SLC38A1: variants seen among roughly 807,000 people sequenced by gnomAD.
The protein encoded by SLC38A1 is solute carrier family 38 member 1.
SLC38A1 carries 18 observed loss-of-function variants against 60.3 expected under a neutral mutation model. The ratio of observed to expected loss-of-function variants is 0.30; its 90% confidence interval spans 0.21 to 0.44. The LOEUF (loss-of-function observed/expected upper bound fraction) is 0.44. Among genes scored for constraint, SLC38A1 ranks in the 20% least tolerant of loss-of-function variants. SLC38A1 has a pLI of 1.00. For synonymous variants in SLC38A1, 196 were observed against 212.1 expected (o/e 0.92, Z 0.66); for missense variants, 448 against 587.2 (o/e 0.76, Z 2.45).
chr12:46,195,989 C>G, intron 16 of SLC38A1: 1 of 661,688 alleles, frequency 1.5e-6, no homozygotes, highest in Non-Finnish European at 2.5e-6. Flanking sequence ...GTGAGATGAA[C>G]CAGGTACCTC....
chr12:46,220,289 C>T (rs983263346), intron 5 of SLC38A1, among the ~76,000 whole-genome samples: 2 of 152,180 alleles, frequency 1.3e-5, no homozygotes, highest in African/African-American at 4.8e-5. Context: ...CTCCCTCTCC[C>T]GGGTTATTAC....
At chr12:46,252,907 G>C (rs976681120) in intron 1 of SLC38A1, among the ~76,000 whole-genome samples, 1 of 149,782 alleles carries the variant, frequency 6.7e-6, no homozygotes, top group Non-Finnish European at 1.5e-5. Flanking sequence ...CAACCTGGAT[G>C]AATCTGGAGG....
chr12:46,184,317 A>G lies in SLC38A1; in HGVS notation c.*4653T>C, dbSNP rs1938865527. The G allele has an allele frequency of 6.6e-6, 1 of 152,122 alleles. No individual in the cohort carries two copies. Among genetic ancestry groups the G allele is most frequent in the Admixed American group, 6.6e-5 (1 of 15,262 alleles). 9.4% of individuals were successfully genotyped at this position (152,122 alleles called of 1,614,324 possible). On this transcript the variant is annotated 3_prime_UTR_variant, in exon 17 of 17. Coordinates refer to ENST00000398637, the MANE Select transcript of SLC38A1 (RefSeq NM_030674.4). ...TGTCCTGTTGCTAAAGGATTCTCAA[A>G]CCTGCCATCCCCAAGGAAAATCATG...
chr12:46,229,475 CT>C, intron 4 of SLC38A1, 88 bp downstream of exon 4: 1 of 1,045,714 alleles, frequency 9.6e-7, no homozygotes, highest in South Asian at 1.3e-5. Flanking sequence ...GGTAGTTATG[CT>C]TTTGGTACTA....
At chr12:46,245,011 A>G (rs957649017) in intron 1 of SLC38A1, among the ~76,000 whole-genome samples, 1 of 152,172 alleles carries the variant, frequency 6.6e-6, no homozygotes, top group African/African-American at 2.4e-5. Flanking sequence ...TATGCCCACC[A>G]TCACCTGGAA....
intron 13 of SLC38A1, among the ~76,000 whole-genome samples, chr12:46,200,292 T>A (rs1015211383): frequency 2.6e-5 from 4 of 152,132 alleles, no homozygotes; most frequent in African/African-American, 9.7e-5. Flanking sequence ...TTAAATGTGT[T>A]TAATTTTGAG....
chr12:46,199,180 CTTG>C (rs1939526457), intron 13 of SLC38A1, among the ~76,000 whole-genome samples: 1 of 151,946 alleles, frequency 6.6e-6, no homozygotes, highest in South Asian at 2.1e-4. Flanking sequence ...AAACTCTTCT[CTTG>C]TTAAGTCAAC....
At chr12:46,210,590 A>G (rs565977673) in intron 5 of SLC38A1, among the ~76,000 whole-genome samples, 2 of 152,300 alleles carry the variant, frequency 1.3e-5, no homozygotes, top group Admixed American at 6.5e-5. Context: ...TGTAACTCCC[A>G]TAATTTCCAC....
intron 5 of SLC38A1, among the ~76,000 whole-genome samples, chr12:46,214,222 T>C (rs1439388012): frequency 6.6e-6 from 1 of 152,202 alleles, no homozygotes; most frequent in African/African-American, 2.4e-5. Context: ...TTGCTTTCCA[T>C]GATTTTTAAA....
intron 3 of SLC38A1, among the ~76,000 whole-genome samples, chr12:46,231,919 T>A (rs916182645): frequency 9.2e-5 from 14 of 152,244 alleles, no homozygotes; most frequent in Non-Finnish European, 2.1e-4. Context: ...CCCAGCCTCA[T>A]ACACTTTTTT....
Position 46,268,899 on chromosome 12 carries a change from G to C in SLC38A1, c.-582C>G. 1 of 455,978 alleles carries C rather than the reference G, an allele frequency of 2.2e-6. No homozygotes were observed. The highest frequency in any genetic ancestry group is 4.4e-6 in the Non-Finnish European group (1 of 226,478). The allele number at this position is 455,978 out of a possible 1,614,324, so 28.2% of individuals were successfully genotyped here. ...CACCGGCGCTGAGGGTCACGAATCG[G>C]AGTCATTCTCCTACTGGGGGACGCG... is the stretch of plus-strand genomic sequence containing the variant. On this transcript the variant is annotated 5_prime_UTR_variant, in exon 1 of 17. Transcript: ENST00000398637. The surrounding 1 kb of genome is among the most constrained non-coding windows in gnomAD (Gnocchi z 4.4).
At chr12:46,211,299 T>C (rs113512596) in intron 5 of SLC38A1, among the ~76,000 whole-genome samples, 4 of 152,298 alleles carry the variant, frequency 2.6e-5, no homozygotes, top group African/African-American at 9.6e-5. Context: ...TGTGCCCTGT[T>C]GGGTCTACTC....
At position 46,184,244 on chromosome 12, in the gene SLC38A1, G is replaced by C. The variant is rs1347985285; in HGVS notation, c.*4726C>G. The C allele has an allele frequency of 6.6e-6, 1 of 152,318 alleles. No homozygotes were observed. Among genetic ancestry groups the C allele is most frequent in the African/African-American group, 2.4e-5 (1 of 41,552 alleles). 9.4% of individuals were successfully genotyped at this position (152,318 alleles called of 1,614,324 possible). A position where few individuals can be genotyped will look rare whatever the true frequency, so the allele number is the denominator to read the frequency against. On this transcript the variant is annotated 3_prime_UTR_variant, in exon 17 of 17. Transcript: ENST00000398637. ...GACACCCCACCTTCAGCTTGTACCT[G>C]AAAGCTTTATCTCGTTATAAATAAT...
chr12:46,194,640 C>A (rs1939286351), intron 16 of SLC38A1, among the ~76,000 whole-genome samples: 1 of 152,148 alleles, frequency 6.6e-6, no homozygotes, highest in South Asian at 2.1e-4. Flanking sequence ...TCTTTTCACT[C>A]TTTTTTCTGT....
chr12:46,215,472 C>T (rs752358270), intron 5 of SLC38A1, among the ~76,000 whole-genome samples: 2 of 151,998 alleles, frequency 1.3e-5, no homozygotes, highest in Non-Finnish European at 2.9e-5. Flanking sequence ...AGTGCAGTGG[C>T]ACAATCTTGG....
At chr12:46,239,631 C>T (rs371653423) in intron 3 of SLC38A1, 48 bp downstream of exon 3, 19 of 1,606,268 alleles carry the variant, frequency 1.2e-5, no homozygotes, top group African/African-American at 2.7e-5. Context: ...GTGTGAGCCA[C>T]GAGCCATTTC....
intron 16 of SLC38A1, among the ~76,000 whole-genome samples, chr12:46,193,320 T>C (rs958644680): frequency 1.3e-5 from 2 of 152,214 alleles, no homozygotes; most frequent in African/African-American, 4.8e-5. Flanking sequence ...TTCTGTTCTT[T>C]TACATTTGCG....
chr12:46,207,438 G>C lies in SLC38A1; in HGVS notation c.481+91C>G, dbSNP rs912007235. The C allele has an allele frequency of 4.6e-6, 6 of 1,296,890 alleles. No homozygotes were observed. In the African/African-American group the frequency reaches 8.8e-5, roughly 19 times the overall value. The allele number at this position is 1,296,890 out of a possible 1,614,324, so 80.3% of individuals were successfully genotyped here. A position where few individuals can be genotyped will look rare whatever the true frequency, so the allele number is the denominator to read the frequency against. Reference sequence around the variant, plus strand: ...CCTGTGCCATTTTAGCAATGAGGATGATAACTGCTTGAATTATGTTAAAAT... The same window carrying C: ...CCTGTGCCATTTTAGCAATGAGGATCATAACTGCTTGAATTATGTTAAAAT... On this transcript the variant is annotated intron_variant, in intron 7 of 16. Coordinates refer to ENST00000398637, the MANE Select transcript of SLC38A1 (RefSeq NM_030674.4).
intron 8 of SLC38A1, among the ~76,000 whole-genome samples, chr12:46,206,629 G>A (rs917093090): frequency 2.0e-5 from 3 of 152,062 alleles, no homozygotes; most frequent in East Asian, 3.9e-4. Flanking sequence ...TGGCTTCTAC[G>A]ATTCTCCCTT....
Sources: gnomAD v4.1 joint callset for allele counts (sites outside exome capture counted in the v4.1 genomes callset) on GRCh38, gnomAD v4.1.1 for gene constraint, Gnocchi (gnomAD v3.1) non-coding constraint, MANE v1.5 for transcripts, NCBI Gene and HGNC (gene_info 2026-07-23, HGNC 2026-07-21) for gene names.